VRK2: variants seen among roughly 807,000 people sequenced by gnomAD.
The protein encoded by VRK2 is serine/threonine-protein kinase VRK2.
A neutral mutation model predicts 57.6 loss-of-function variants in VRK2; 60 were observed. The observed-to-expected ratio is 1.04, with a 90% confidence interval of 0.85 to 1.29. The LOEUF (loss-of-function observed/expected upper bound fraction) is 1.29, where lower values mean the gene tolerates loss of function less well. Among genes scored for constraint, VRK2 ranks in the 50% most tolerant of loss-of-function variants. VRK2 has a pLI of 0.00. For synonymous variants in VRK2, 231 were observed against 199.2 expected (o/e 1.16, Z -1.35); for missense variants, 705 against 588.1 (o/e 1.20, Z -2.06).
At chr2:58,054,043 A>G (rs1298451279) in intron 2 of VRK2, among the ~76,000 whole-genome samples, 1 of 152,126 alleles carries the variant, frequency 6.6e-6, no homozygotes, top group Admixed American at 6.5e-5. Flanking sequence ...AAAAGTCTCT[A>G]TAAGATGTAT....
intron 1 of VRK2, among the ~76,000 whole-genome samples, chr2:57,972,033 T>C (rs1160719383): frequency 2.0e-5 from 3 of 151,876 alleles, no homozygotes; most frequent in African/African-American, 4.8e-5. Flanking sequence ...TGGGGACCTG[T>C]TGACCACTGT....
chr2:57,991,037 G>C (rs1301030316), intron 1 of VRK2, among the ~76,000 whole-genome samples: 1 of 151,842 alleles, frequency 6.6e-6, no homozygotes, highest in African/African-American at 2.4e-5. Flanking sequence ...CTTCCTGAAA[G>C]AGAATGTCAA....
At chr2:58,057,564 A>G (rs554554426) in intron 2 of VRK2, among the ~76,000 whole-genome samples, 19 of 152,282 alleles carry the variant, frequency 1.2e-4, no homozygotes, top group Non-Finnish European at 2.2e-4. Context: ...AATAGCAAGT[A>G]TAAACGTTTG....
intron 7 of VRK2, among the ~76,000 whole-genome samples, chr2:58,119,199 C>T (rs1677021260): frequency 6.6e-6 from 1 of 151,916 alleles, no homozygotes; most frequent in African/African-American, 2.4e-5. Context: ...TTTCAGTTTC[C>T]TTTAATTTAA....
intron 5 of VRK2, 102 bp downstream of exon 5, chr2:58,086,528 A>G (rs1381196726): frequency 4.1e-6 from 4 of 970,118 alleles, no homozygotes; most frequent in South Asian, 1.8e-5. Flanking sequence ...ACATATTGGC[A>G]TATAACCACA....
chr2:58,040,967 T>A, intron 3 of VRK2: 5 of 891,268 alleles, frequency 5.6e-6, no homozygotes, highest in Non-Finnish European at 6.7e-6. Flanking sequence ...AGGTGTCAAC[T>A]CTATTCTTAT....
At chr2:58,029,573 T>G (rs558338370) in intron 2 of VRK2, among the ~76,000 whole-genome samples, 5 of 152,100 alleles carry the variant, frequency 3.3e-5, no homozygotes, top group Admixed American at 6.6e-5. Context: ...ACTTGTGAGA[T>G]CTCTCTGTCT....
intron 7 of VRK2, among the ~76,000 whole-genome samples, chr2:58,089,993 T>C (rs796847878): frequency 6.6e-6 from 1 of 152,282 alleles, no homozygotes; most frequent in African/African-American, 2.4e-5. Flanking sequence ...TGAGCAAATA[T>C]AGATAAGCAA....
chr2:57,961,499 A>G (rs1671757550), intron 1 of VRK2, among the ~76,000 whole-genome samples: 1 of 152,186 alleles, frequency 6.6e-6, no homozygotes, highest in African/African-American at 2.4e-5. Context: ...TAGGAAATGT[A>G]GATTTGGGTT....
At chr2:58,014,704 C>T (rs1673522139) in intron 1 of VRK2, among the ~76,000 whole-genome samples, 2 of 152,240 alleles carry the variant, frequency 1.3e-5, no homozygotes, top group East Asian at 1.9e-4. Context: ...GCATGATTCT[C>T]GCCTTTGAAA....
chr2:58,156,805 G>C (rs1683948569), intron 12 of VRK2, among the ~76,000 whole-genome samples: 1 of 151,944 alleles, frequency 6.6e-6, no homozygotes, highest in East Asian at 1.9e-4. Context: ...ATGTTTTATA[G>C]TCCTTGTTTG....
At chr2:57,957,075 A>G (rs1352853476) in intron 1 of VRK2, among the ~76,000 whole-genome samples, 1 of 152,150 alleles carries the variant, frequency 6.6e-6, no homozygotes, top group Non-Finnish European at 1.5e-5. Flanking sequence ...AGAGGAGGTG[A>G]GAAAAAAAAG....
chr2:58,093,258 G>C (rs1444716241), intron 7 of VRK2, among the ~76,000 whole-genome samples: 1 of 152,166 alleles, frequency 6.6e-6, no homozygotes, highest in Non-Finnish European at 1.5e-5. Flanking sequence ...CACAATGGTT[G>C]AACTAGTTTA....
chr2:58,113,975 G>A (rs1479330537), intron 7 of VRK2, among the ~76,000 whole-genome samples: 1 of 152,144 alleles, frequency 6.6e-6, no homozygotes, highest in Non-Finnish European at 1.5e-5. Context: ...TCTCAGGGCT[G>A]CTTCAACAGG....
intron 1 of VRK2, among the ~76,000 whole-genome samples, chr2:58,004,886 T>G (rs1467934349): frequency 1.3e-5 from 2 of 152,160 alleles, no homozygotes; most frequent in Non-Finnish European, 2.9e-5. Flanking sequence ...GGAAAATCAT[T>G]TGAAACTGTA....
chr2:57,913,228 T>G (rs908066277), intron 1 of VRK2, among the ~76,000 whole-genome samples: 1 of 152,190 alleles, frequency 6.6e-6, no homozygotes, highest in Non-Finnish European at 1.5e-5. Context: ...CCTACCAATT[T>G]ATTTCTAGTT....
At chr2:58,151,410 A>C (rs966391170) in intron 12 of VRK2, among the ~76,000 whole-genome samples, 2 of 151,812 alleles carry the variant, frequency 1.3e-5, no homozygotes, top group African/African-American at 4.8e-5. Flanking sequence ...CCTATGATTA[A>C]CATTTATACA....
chr2:58,101,279 T>A (rs1377867121), intron 7 of VRK2, among the ~76,000 whole-genome samples: 4 of 151,742 alleles, frequency 2.6e-5, no homozygotes, highest in Non-Finnish European at 5.9e-5. Flanking sequence ...TTAAACATAC[T>A]GAAAAATAGA....
chr2:58,086,057 A>G (rs1394534617), intron 4 of VRK2, among the ~76,000 whole-genome samples: 1 of 151,334 alleles, frequency 6.6e-6, no homozygotes, highest in East Asian at 1.9e-4. Flanking sequence ...AGTATATAAG[A>G]TAATGAATTC....
Sources: allele counts gnomAD v4.1 joint callset (sites outside exome capture counted in the v4.1 genomes callset), GRCh38; gene constraint gnomAD v4.1.1; transcripts MANE v1.5; gene names NCBI Gene and HGNC (gene_info 2026-07-23, HGNC 2026-07-21).